SNTG2: variants seen among roughly 807,000 people sequenced by gnomAD.
SNTG2 encodes gamma-2-syntrophin.
A neutral mutation model predicts 70.9 loss-of-function variants in SNTG2; 74 were observed. The ratio of observed to expected loss-of-function variants is 1.04; its 90% CI spans 0.86 to 1.27. SNTG2 has a LOEUF of 1.27. Ranked by LOEUF, SNTG2 falls within the 50% of genes most tolerant of loss-of-function variation. SNTG2 has a pLI of 0.00. For missense variants in SNTG2, 717 were observed against 690.7 expected (o/e 1.04, Z -0.43); for synonymous variants, 278 against 273.8 (o/e 1.02, Z -0.15).
At position 1,098,383 on chromosome 2, in the gene SNTG2, A is replaced by G. The variant is rs35404918; in HGVS notation, c.298A>G (p.Ile100Val). 7.4e-6 allele frequency: 12 copies of G among 1,613,904 alleles called. No homozygotes were observed. Among genetic ancestry groups the G allele is most frequent in the South Asian group, 1.1e-5 (1 of 91,094 alleles). The part of the protein sequence containing the change: ...GGSEHNVPVV[I>V]SKIFEDQAAD... ...TTCTGAGCACAACGTCCCTGTCGTCATATCAAAAATATTCGAAGACCAAGC... is the reference window on the plus strand; with the variant it reads ...TTCTGAGCACAACGTCCCTGTCGTCGTATCAAAAATATTCGAAGACCAAGC... The change falls in exon 4 of 17, where the codon ATA becomes GTA. Residue 100 changes from isoleucine (I) to valine (V), a missense_variant. Transcript: ENST00000308624.
chr2:1,004,104 A>C (rs549870232), intron 1 of SNTG2, among the ~76,000 whole-genome samples: 1 of 152,318 alleles, frequency 6.6e-6, no homozygotes, highest in African/African-American at 2.4e-5. Context: ...TGTGCAACCT[A>C]TTTGGTTTTA....
Position 951,041 on chromosome 2 carries a change from C to G in SNTG2, c.45C>G (p.Arg15=). 1.6e-6 allele frequency: 2 copies of G among 1,273,594 alleles called. No homozygotes were observed. The highest frequency in any genetic ancestry group is 2.0e-6 in the Non-Finnish European group (2 of 1,012,840). The allele number at this position is 1,273,594 out of a possible 1,614,324, so 78.9% of individuals were successfully genotyped here. A position where few individuals can be genotyped will look rare whatever the true frequency, so the allele number is the denominator to read the frequency against. ...CGCCCCCGGCCGCCTCCCGCGGACGCCAGGGCTGCCTGCTGGTACCTGCGC... is the reference window on the plus strand; with the variant it reads ...CGCCCCCGGCCGCCTCCCGCGGACGGCAGGGCTGCCTGCTGGTACCTGCGC... The part of the protein sequence containing the change: ...GPPPPAASRG[R]QGCLLVPART... The change falls in exon 1 of 17, where the codon CGC becomes CGG. Residue 15 remains arginine (R), a synonymous_variant. Coordinates refer to ENST00000308624, the MANE Select transcript of SNTG2 (RefSeq NM_018968.4).
In SNTG2 at chr2:1,278,407, C is replaced by G. The variant is rs118063913; in HGVS notation, c.1284+10836C>G. 1.5e-3 allele frequency among the ~76,000 whole-genome samples: 221 copies of G among 151,982 alleles called. 7 individuals carry two copies. In the East Asian group the frequency reaches 0.041, roughly 28 times the overall value. On this transcript the variant is annotated intron_variant, in intron 14 of 16. Coordinates refer to ENST00000308624, the MANE Select transcript of SNTG2 (RefSeq NM_018968.4). The stretch of plus-strand genomic sequence containing the variant: ...ACCAGGTTGCTGTTTATGGAGGGCA[C>G]CAGGTGCTAGTGAGGTCTGCTGTTA...
intron 6 of SNTG2, among the ~76,000 whole-genome samples, chr2:1,149,206 T>A (rs62105984): frequency 0.18 from 1,227 of 6,890 alleles, 18 homozygotes; most frequent in African/African-American, 0.3. Context: ...TGTGTGTGTG[T>A]GTGAGAGAGA....
chr2:1,119,150 C>A (rs995054242), intron 4 of SNTG2, among the ~76,000 whole-genome samples: 1 of 151,966 alleles, frequency 6.6e-6, no homozygotes, highest in Non-Finnish European at 1.5e-5. Flanking sequence ...ACACAAAAAC[C>A]ATTAGCTAAG....
chr2:1,302,993 CA>C (rs934881680), intron 14 of SNTG2, among the ~76,000 whole-genome samples: 2 of 151,908 alleles, frequency 1.3e-5, no homozygotes, highest in African/African-American at 4.8e-5. Flanking sequence ...ATATGGGAAG[CA>C]AAAACTGAGA....
At chr2:1,291,167 A>G (rs1679975141) in intron 14 of SNTG2, among the ~76,000 whole-genome samples, 2 of 152,110 alleles carry the variant, frequency 1.3e-5, no homozygotes, top group South Asian at 2.1e-4. Flanking sequence ...AGTAATGTCT[A>G]TTCAGGTCTT....
chr2:969,084 C>G (rs1004202069), intron 1 of SNTG2, among the ~76,000 whole-genome samples: 9 of 152,174 alleles, frequency 5.9e-5, no homozygotes, highest in Non-Finnish European at 1.2e-4. Context: ...CTCCATATGG[C>G]AAGTCAGTTA....
intron 8 of SNTG2, among the ~76,000 whole-genome samples, chr2:1,205,365 A>T (rs1673566419): frequency 6.6e-6 from 1 of 152,248 alleles, no homozygotes; most frequent in African/African-American, 2.4e-5. Flanking sequence ...ATCTGGGCAC[A>T]GTGCCCTCTA....
intron 16 of SNTG2, among the ~76,000 whole-genome samples, chr2:1,350,393 C>T (rs1340709972): frequency 6.6e-6 from 1 of 152,220 alleles, no homozygotes; most frequent in Non-Finnish European, 1.5e-5. Context: ...TGCAACACAG[C>T]TTGCCCCGAT....
chr2:1,116,389 G>A (rs926515527), intron 4 of SNTG2, among the ~76,000 whole-genome samples: 17 of 152,192 alleles, frequency 1.1e-4, no homozygotes, highest in African/African-American at 3.6e-4. Context: ...CTGCTCACCC[G>A]TGGCCCTGGC....
chr2:1,288,494 G>A (rs937215246), intron 14 of SNTG2, among the ~76,000 whole-genome samples: 6 of 134,794 alleles, frequency 4.5e-5, no homozygotes, highest in Non-Finnish European at 1.7e-5. Flanking sequence ...CCACACCCAC[G>A]CATTCACACA....
intron 1 of SNTG2, among the ~76,000 whole-genome samples, chr2:1,030,771 G>A (rs1238227618): frequency 6.6e-6 from 1 of 151,784 alleles, no homozygotes; most frequent in Admixed American, 6.5e-5. Context: ...TTTCTCAAGT[G>A]TACCATAAAA....
chr2:1,187,148 A>C (rs1467807782), intron 8 of SNTG2, among the ~76,000 whole-genome samples: 5 of 152,238 alleles, frequency 3.3e-5, no homozygotes, highest in Non-Finnish European at 7.3e-5. Context: ...AATTTTCTGG[A>C]GATAAAAATT....
intron 8 of SNTG2, among the ~76,000 whole-genome samples, chr2:1,203,941 AC>A (rs1248932300): frequency 6.6e-6 from 1 of 152,146 alleles, no homozygotes; most frequent in Non-Finnish European, 1.5e-5. Context: ...ATCTTTTTCA[AC>A]AGGTGAATGG....
At chr2:1,305,486 A>C (rs963530508) in intron 14 of SNTG2, among the ~76,000 whole-genome samples, 5 of 152,196 alleles carry the variant, frequency 3.3e-5, no homozygotes, top group Non-Finnish European at 7.4e-5. Context: ...AGTTTCTTCC[A>C]AGGCATCAAG....
chr2:1,362,115 C>G (rs1472744553), intron 16 of SNTG2, among the ~76,000 whole-genome samples: 1 of 152,150 alleles, frequency 6.6e-6, no homozygotes, highest in Non-Finnish European at 1.5e-5. Context: ...GTCACTGATG[C>G]TGAGCATTTC....
chr2:1,002,974 T>C (rs1659454635), intron 1 of SNTG2, among the ~76,000 whole-genome samples: 2 of 152,204 alleles, frequency 1.3e-5, no homozygotes, highest in Admixed American at 6.5e-5. Context: ...GAGGTCATTA[T>C]CTTAAACGAA....
At chr2:1,130,739 G>A (rs1429684683) in intron 4 of SNTG2, among the ~76,000 whole-genome samples, 1 of 152,190 alleles carries the variant, frequency 6.6e-6, no homozygotes, top group East Asian at 1.9e-4. Context: ...ATTTGCTAGA[G>A]TACAGTGTTG....
Sources: allele counts gnomAD v4.1 joint callset (sites outside exome capture counted in the v4.1 genomes callset), GRCh38; gene constraint gnomAD v4.1.1; transcripts MANE v1.5; gene names NCBI Gene and HGNC (gene_info 2026-07-23, HGNC 2026-07-21).